KHDRBS2: variants seen among roughly 807,000 people sequenced by gnomAD.
KHDRBS2 encodes KH RNA binding domain containing, signal transduction associated 2.
In KHDRBS2, 26 loss-of-function variants were observed where a neutral mutation model predicts 44.3. That is an observed-to-expected ratio of 0.59 (90% CI 0.43 to 0.81). The LOEUF (loss-of-function observed/expected upper bound fraction) is 0.81. KHDRBS2 is among the 40% of genes least tolerant of loss of function. KHDRBS2 has a pLI of 0.00. For missense variants in KHDRBS2, 476 were observed against 433.1 expected, an observed-to-expected ratio of 1.10 and a Z score of -0.88; for synonymous variants, 194 against 151.1, an observed-to-expected ratio of 1.28 and a Z score of -2.08.
the KHDRBS2 span, among the ~76,000 whole-genome samples, chr6:61,669,845 T>A: frequency 6.6e-6 from 1 of 151,078 alleles, no homozygotes; most frequent in Non-Finnish European, 1.5e-5. Flanking sequence ...TGATACAACT[T>A]TAATCATCCC....
chr6:61,586,237 A>C, the KHDRBS2 span, among the ~76,000 whole-genome samples: 3 of 152,358 alleles, frequency 2.0e-5, no homozygotes, highest in African/African-American at 7.2e-5. Context: ...GCTTTGATTT[A>C]AGATACAGCT....
At chr6:61,683,491 G>A (rs1386729772) in intron 8 of KHDRBS2, among the ~76,000 whole-genome samples, 1 of 151,770 alleles carries the variant, frequency 6.6e-6, no homozygotes, top group East Asian at 1.9e-4. Context: ...ATGAAAGAAA[G>A]GATGGATGAA....
chr6:61,601,888 T>C, the KHDRBS2 span, among the ~76,000 whole-genome samples: 1 of 152,040 alleles, frequency 6.6e-6, no homozygotes, highest in African/African-American at 2.4e-5. Flanking sequence ...TGCCCAGAAA[T>C]TCCCTCTTAA....
chr6:61,734,828 T>G (rs1438161096), intron 6 of KHDRBS2, among the ~76,000 whole-genome samples: 1 of 152,178 alleles, frequency 6.6e-6, no homozygotes, highest in Non-Finnish European at 1.5e-5. Context: ...ATTTCTAAGA[T>G]TCAAAGACAT....
At chr6:62,230,213 G>T (rs564192273) in intron 1 of KHDRBS2, among the ~76,000 whole-genome samples, 2 of 152,208 alleles carry the variant, frequency 1.3e-5, no homozygotes, top group South Asian at 2.1e-4. Flanking sequence ...ACTAAAGCAA[G>T]AAATGTTTCA....
intron 2 of KHDRBS2, among the ~76,000 whole-genome samples, chr6:62,107,631 G>A (rs1274696049): frequency 6.6e-5 from 10 of 152,062 alleles, no homozygotes; most frequent in East Asian, 1.9e-4. Flanking sequence ...AGCCCGCATC[G>A]CCAAGTCAAT....
chr6:61,654,499 G>A, the KHDRBS2 span, among the ~76,000 whole-genome samples: 1 of 151,672 alleles, frequency 6.6e-6, no homozygotes, highest in East Asian at 2.0e-4. Flanking sequence ...AATCCAGTAT[G>A]GGCAAGTGAC....
chr6:61,768,536 C>T (rs1461107519), intron 6 of KHDRBS2, among the ~76,000 whole-genome samples: 1 of 152,030 alleles, frequency 6.6e-6, no homozygotes, highest in Non-Finnish European at 1.5e-5. Context: ...ATGTATGCTT[C>T]ACTCTTTTTT....
chr6:62,267,236 A>T (rs1304663795), intron 1 of KHDRBS2, among the ~76,000 whole-genome samples: 32 of 152,050 alleles, frequency 2.1e-4, no homozygotes, highest in Non-Finnish European at 5.9e-5. Context: ...CCCTTGAAAG[A>T]CTTTGTTGGA....
At chr6:62,265,783 C>G (rs1227406430) in intron 1 of KHDRBS2, among the ~76,000 whole-genome samples, 1 of 151,974 alleles carries the variant, frequency 6.6e-6, no homozygotes, top group Non-Finnish European at 1.5e-5. Context: ...GGCAATGGGC[C>G]TTTTGAAACC....
At chr6:61,763,103 CCAT>C (rs1421563990) in intron 6 of KHDRBS2, among the ~76,000 whole-genome samples, 2 of 152,116 alleles carry the variant, frequency 1.3e-5, no homozygotes, top group Non-Finnish European at 2.9e-5. Flanking sequence ...TGCCCAATTC[CCAT>C]CATATGTGAT....
chr6:62,256,685 A>G (rs1473935718), intron 1 of KHDRBS2, among the ~76,000 whole-genome samples: 1 of 152,074 alleles, frequency 6.6e-6, no homozygotes. Context: ...AGAAGAATTT[A>G]AATTATTCCT....
chr6:61,735,597 C>A (rs1775205114), intron 6 of KHDRBS2, among the ~76,000 whole-genome samples: 1 of 152,128 alleles, frequency 6.6e-6, no homozygotes, highest in Admixed American at 6.6e-5. Context: ...TTTATTGCTT[C>A]CCAAAATATT....
chr6:61,595,474 A>AT, the KHDRBS2 span, among the ~76,000 whole-genome samples: 1 of 152,116 alleles, frequency 6.6e-6, no homozygotes. Context: ...AAACAAAACT[A>AT]TTTTTTTAAC....
intron 4 of KHDRBS2, among the ~76,000 whole-genome samples, chr6:61,930,825 G>A (rs529489740): frequency 5.3e-5 from 8 of 152,034 alleles, no homozygotes; most frequent in Admixed American, 2.0e-4. Flanking sequence ...TAGTTCATGA[G>A]TTGCCTGGAG....
At chr6:61,720,135 T>G (rs1160060728) in intron 7 of KHDRBS2, among the ~76,000 whole-genome samples, 1 of 152,204 alleles carries the variant, frequency 6.6e-6, no homozygotes, top group Non-Finnish European at 1.5e-5. Context: ...GCATAGTATT[T>G]CAAGGTGTAT....
intron 1 of KHDRBS2, among the ~76,000 whole-genome samples, chr6:62,277,013 C>T (rs905973046): frequency 1.3e-5 from 2 of 152,102 alleles, no homozygotes; most frequent in African/African-American, 4.8e-5. Flanking sequence ...TGTGGTAATG[C>T]ATCGTCTAGT....
chr6:62,055,656 T>C (rs1790113341), intron 2 of KHDRBS2, among the ~76,000 whole-genome samples: 1 of 152,042 alleles, frequency 6.6e-6, no homozygotes, highest in African/African-American at 2.4e-5. Context: ...AAAATGATGA[T>C]AAATTCAAGA....
rs140724248 is a variant in KHDRBS2, at chr6:62,119,258, A to C, written c.219+57927T>G. ...TTGATATTCCTCATTCACTGCTCTT[A>C]AGAGTCAAGAAGTTTAGTGACTCTA... On this transcript the variant is annotated intron_variant, in intron 2 of 8. Transcript: ENST00000281156. 6.1e-3 allele frequency among the ~76,000 whole-genome samples: 923 copies of C among 152,262 alleles called. 5 individuals are homozygous for C. Among genetic ancestry groups the C allele is most frequent in the South Asian group, 7.9e-3 (38 of 4,824 alleles).
Sources: allele counts gnomAD v4.1 joint callset (sites outside exome capture counted in the v4.1 genomes callset), GRCh38; gene constraint gnomAD v4.1.1; transcripts MANE v1.5; gene names NCBI Gene and HGNC (gene_info 2026-07-23, HGNC 2026-07-21).